RETREG2: variants seen among roughly 807,000 people sequenced by gnomAD.
RETREG2 encodes reticulophagy regulator 2.
In RETREG2, 21 loss-of-function variants were observed where a neutral mutation model predicts 51.6. The ratio of observed to expected loss-of-function variants is 0.41; its 90% confidence interval spans 0.29 to 0.59. RETREG2 has a LOEUF of 0.59. Ranked by LOEUF, RETREG2 falls within the 20% of genes least tolerant of loss-of-function variation. The pLI, the probability that RETREG2 is intolerant of heterozygous loss-of-function variation, is 0.34. For missense variants in RETREG2, 674 were observed against 646.0 expected (o/e 1.04, Z -0.47); for synonymous variants, 339 against 288.6 (o/e 1.17, Z -1.77).
intron 8 of RETREG2, 25 bp downstream of exon 8, chr2:219,181,800 G>C: frequency 6.2e-7 from 1 of 1,601,244 alleles, no homozygotes; most frequent in Non-Finnish European, 8.5e-7. Context: ...TTGCTGCCCT[G>C]CTCCCCGCCA....
rs1243535990 is a variant in RETREG2, at chr2:219,180,938, G to C, written c.641-124G>C. The C allele has an allele frequency of 1.1e-5, 15 of 1,419,854 alleles. No homozygotes were observed. The Admixed American group carries it at 1.3e-4, about 12-fold the overall frequency. 88.0% of individuals were successfully genotyped at this position (1,419,854 alleles called of 1,614,324 possible). A position where few individuals can be genotyped will look rare whatever the true frequency, so the allele number is the denominator to read the frequency against. Reference sequence around the variant, plus strand: ...AGGAGGGCAGTGGATGTGGCAAGAAGAGGTTGGCACAGCCTTGGGAAAGGA... The same window carrying C: ...AGGAGGGCAGTGGATGTGGCAAGAACAGGTTGGCACAGCCTTGGGAAAGGA... On this transcript the variant is annotated intron_variant, in intron 5 of 8. Transcript: ENST00000430297.
chr2:219,178,818 C>T, intron 1 of RETREG2, 104 bp from the exon 2 acceptor site: 4 of 1,095,910 alleles, frequency 3.6e-6, no homozygotes, highest in South Asian at 3.0e-5. Flanking sequence ...CGAGTTAGGC[C>T]TGGAGGTGCC....
In RETREG2 at chr2:219,182,132, T is replaced by G; in HGVS notation, c.1135T>G (p.Ser379Ala). 6.2e-7 allele frequency: 1 copy of G among 1,614,082 alleles called. No homozygotes were observed. Among genetic ancestry groups the G allele is most frequent in the Non-Finnish European group, 8.5e-7 (1 of 1,179,996 alleles). The change falls in exon 9 of 9, where the codon TCA becomes GCA. Residue 379 changes from serine (S) to alanine (A), a missense_variant. By Grantham distance (99) the Ser-to-Ala change is moderately conservative. Transcript: ENST00000430297. Reference protein sequence around the residue: ...EDLLGRPQALSRQALDSEEEE... With the variant: ...EDLLGRPQALARQALDSEEEE... ...CCTACTAGGCCGTCCTCAAGCTCTG[T>G]CAAGGCAAGCCCTGGACTCGGAGGA...
rs747929479 is a variant in RETREG2, at chr2:219,178,831, T to TG, written c.282-91_282-90insG. ...CGCGAGTTAGGCCTGGAGGTGCCAT[T>TG]ACCCCATCAGTAGGCGCCTTTCCAC... On this transcript the variant is annotated intron_variant, in intron 1 of 8. Coordinates refer to ENST00000430297, the MANE Select transcript of RETREG2 (RefSeq NM_024293.6). 2.6e-4 allele frequency: 285 copies of TG among 1,113,690 alleles called. 1 individual carries two copies. The highest frequency in any genetic ancestry group is 3.6e-4 in the Non-Finnish European group (272 of 761,452). 69.0% of individuals were successfully genotyped at this position (1,113,690 alleles called of 1,614,324 possible).
intron 8 of RETREG2, 65 bp from the exon 9 acceptor site, chr2:219,181,948 C>T (rs1950285330): frequency 1.9e-6 from 3 of 1,585,858 alleles, no homozygotes; most frequent in African/African-American, 1.4e-5. Context: ...TCCTTGAACT[C>T]ATTGTCTGTT....
In RETREG2 at chr2:219,179,757, C is replaced by CGA; in HGVS notation, c.413_414insGA (p.Asp139MetfsTer15). 6.2e-7 allele frequency: 1 copy of CGA among 1,614,122 alleles called. No individual in the cohort carries two copies. The highest frequency in any genetic ancestry group is 8.5e-7 in the Non-Finnish European group (1 of 1,179,974). ...GCATCATCCCCAGAGGAGCCACACTCTGACAGGTGAGTACAGGCCACCTCT... is the reference window on the plus strand; with the variant it reads ...GCATCATCCCCAGAGGAGCCACACTCGATGACAGGTGAGTACAGGCCACCTCT... On this transcript the variant is annotated frameshift_variant, in exon 3 of 9. Coordinates refer to ENST00000430297, the MANE Select transcript of RETREG2 (RefSeq NM_024293.6). LOFTEE classifies it high-confidence loss of function.
rs1950271940 is a variant in RETREG2 at position 219,181,098 on chromosome 2, A to G, written c.677A>G (p.His226Arg). The change falls in exon 6 of 9, where the codon CAT becomes CGT. Residue 226 changes from histidine (H) to arginine (R), a missense_variant. Transcript: ENST00000430297. ...SILLWPLVVY[H>R]ELIQRMYTRL... is the part of the protein sequence containing the mutation. ...CTGCTGTGGCCCCTGGTGGTTTATCATGAGCTGATCCAGAGGATGTACACT... is the reference window on the plus strand; with the variant it reads ...CTGCTGTGGCCCCTGGTGGTTTATCGTGAGCTGATCCAGAGGATGTACACT... The G allele has an allele frequency of 1.2e-6, 2 of 1,614,154 alleles. No individual in the cohort carries two copies. The highest frequency in any genetic ancestry group is 1.7e-6 in the Non-Finnish European group (2 of 1,180,034).
At position 219,180,576 on chromosome 2, in the gene RETREG2, C is replaced by G. The variant is rs977186178; in HGVS notation, c.556-94C>G. On this transcript the variant is annotated intron_variant, in intron 4 of 8. Coordinates refer to ENST00000430297, the MANE Select transcript of RETREG2 (RefSeq NM_024293.6). Reference sequence around the variant, plus strand: ...ACCACCCCATTCCTTGAGTACATACCCATCCTTCTACCAGCTGAGCAGTAG... The same window carrying G: ...ACCACCCCATTCCTTGAGTACATACGCATCCTTCTACCAGCTGAGCAGTAG... 1.9e-6 allele frequency: 3 copies of G among 1,598,898 alleles called. No individual in the cohort carries two copies. The Admixed American group carries it at 5.0e-5, about 27-fold the overall frequency.
At chr2:219,180,882 G>GTAT in intron 5 of RETREG2, 128 bp downstream of exon 5, 3 of 1,342,694 alleles carry the variant, frequency 2.2e-6, no homozygotes, top group Non-Finnish European at 3.1e-6. Context: ...GGATGCTTTA[G>GTAT]TATTAGTAAC....
chr2:219,181,287 T>TCTTCTCCAGTTCTTTAG, intron 6 of RETREG2, 82 bp downstream of exon 6: 1 of 1,606,182 alleles, frequency 6.2e-7, no homozygotes, highest in Non-Finnish European at 8.5e-7. Context: ...GGAATTGAGA[T>TCTTCTCCAGTTCTTTAG]CTTCTCCAGT....
chr2:219,180,680 G>C lies in RETREG2; in HGVS notation c.566G>C (p.Arg189Pro). The change falls in exon 5 of 9, where the codon CGA (arginine) becomes CCA (proline). Residue 189 changes from arginine (R) to proline (P), a missense_variant. Transcript: ENST00000430297. The part of the protein sequence containing the change: ...KRQNPAQFCV[R>P]VCSGCAVLAV... The stretch of plus-strand genomic sequence containing the variant: ...TGCTCTTCTCTGCAGTTCTGCGTTC[G>C]AGTCTGCTCTGGCTGTGCTGTGTTG... The C allele has an allele frequency of 6.2e-7, 1 of 1,613,896 alleles. No individual in the cohort carries two copies. Among genetic ancestry groups the C allele is most frequent in the Non-Finnish European group, 8.5e-7 (1 of 1,179,748 alleles).
intron 3 of RETREG2, 147 bp from the exon 4 acceptor site, chr2:219,179,963 T>A (rs770239242): frequency 1.6e-6 from 2 of 1,247,212 alleles, no homozygotes; most frequent in Non-Finnish European, 2.3e-6. Context: ...CCTCCTGGCT[T>A]TGCTTCTAAG....
intron 1 of RETREG2, 60 bp from the exon 2 acceptor site, chr2:219,178,862 G>C: frequency 7.6e-7 from 1 of 1,307,230 alleles, no homozygotes; most frequent in Non-Finnish European, 1.1e-6. Flanking sequence ...TCCACCTTCT[G>C]AGATGGATGC....
In RETREG2 at chr2:219,178,468, C is replaced by A. The variant is rs1233342721; in HGVS notation, c.116C>A (p.Ala39Glu). The A allele has an allele frequency of 2.0e-6, 2 of 979,362 alleles. No individual in the cohort carries two copies. Among genetic ancestry groups the A allele is most frequent in the Admixed American group, 6.5e-5 (2 of 30,830 alleles). 60.7% of individuals were successfully genotyped at this position (979,362 alleles called of 1,614,324 possible). A position where few individuals can be genotyped will look rare whatever the true frequency, so the allele number is the denominator to read the frequency against. Residue 39 changes from alanine to glutamate, a missense_variant, in exon 1 of 9, where the codon GCA (alanine) becomes GAA (glutamate). By Grantham distance (107) the Ala-to-Glu change is moderately radical. Transcript: ENST00000430297. Reference sequence around the variant, plus strand: ...GGCATGAGTGAGGCCACCAGTGAGGCAGAGGAGGAGGCGGCCACGGCCGAG... The same window carrying A: ...GGCATGAGTGAGGCCACCAGTGAGGAAGAGGAGGAGGCGGCCACGGCCGAG... The part of the protein sequence containing the change: ...SLGMSEATSE[A>E]EEEAATAEAV...
intron 1 of RETREG2, 46 bp downstream of exon 1, chr2:219,178,679 G>C: frequency 1.4e-6 from 2 of 1,419,914 alleles, no homozygotes; most frequent in Non-Finnish European, 1.8e-6. Flanking sequence ...AGCGGGGGAG[G>C]GAGGGGTCGA....
At chr2:219,181,327 C>T (rs1420639585) in intron 6 of RETREG2, 42 bp from the exon 7 acceptor site, 3 of 1,607,930 alleles carry the variant, frequency 1.9e-6, no homozygotes, top group African/African-American at 2.7e-5. Context: ...CCCCTCCCAT[C>T]ATTCATGCTT....
rs1180444311 is a variant in RETREG2, at chr2:219,185,397, C to T, written c.*2768C>T. Reference sequence around the variant, plus strand: ...AGGGAGTACATTTTAGCTATGTATTCAAACAGCTAATAGTTTAATGTTGCT... The same window carrying T: ...AGGGAGTACATTTTAGCTATGTATTTAAACAGCTAATAGTTTAATGTTGCT... On this transcript the variant is annotated 3_prime_UTR_variant, in exon 9 of 9. Transcript: ENST00000430297. 6.6e-6 allele frequency: 1 copy of T among 152,142 alleles called. No homozygotes were observed. The highest frequency in any genetic ancestry group is 2.4e-5 in the African/African-American group (1 of 41,454). The allele number at this position is 152,142 out of a possible 1,614,324, so 9.4% of individuals were successfully genotyped here.
intron 1 of RETREG2, 85 bp downstream of exon 1, chr2:219,178,718 C>G (rs1950226718): frequency 1.5e-6 from 2 of 1,373,720 alleles, no homozygotes; most frequent in African/African-American, 1.5e-5. Flanking sequence ...TGGGTTATCA[C>G]TTGGCCTGGG....
rs574465124 is a variant in RETREG2, at chr2:219,183,196, C to T, written c.*567C>T. The T allele has an allele frequency of 6.2e-6, 1 of 160,480 alleles. No homozygotes were observed. Among genetic ancestry groups the T allele is most frequent in the African/African-American group, 2.4e-5 (1 of 41,656 alleles). 9.9% of individuals were successfully genotyped at this position (160,480 alleles called of 1,614,324 possible). ...CCTGGTCTGGGAAGTAAAGAGTAAA[C>T]CTGGGGCAGTGGGTCAGGCCAGTAG... On this transcript the variant is annotated 3_prime_UTR_variant, in exon 9 of 9. Transcript: ENST00000430297.
Sources: gnomAD v4.1 joint callset for allele counts on GRCh38, gnomAD v4.1.1 for gene constraint, MANE v1.5 for transcripts, NCBI Gene and HGNC (gene_info 2026-07-23, HGNC 2026-07-21) for gene names.